Variants in MAGI2 observed in about 807,000 individuals in gnomAD.
MAGI2 encodes the protein membrane-associated guanylate kinase, WW and PDZ domain-containing protein 2.
Under a neutral mutation model 133.3 loss-of-function variants are expected in MAGI2, and 35 were observed. The observed-to-expected ratio is 0.26, with a 90% CI of 0.20 to 0.35. The LOEUF (loss-of-function observed/expected upper bound fraction) is 0.35. Ranked by LOEUF, MAGI2 falls within the 10% of genes least tolerant of loss-of-function variation. The pLI is 1.00. For synonymous variants in MAGI2, 729 were observed against 710.6 expected, an observed-to-expected ratio of 1.03 and a Z score of -0.41; for missense variants, 1,636 against 1,863.4, an observed-to-expected ratio of 0.88 and a Z score of 2.25.
intron 9 of MAGI2, among the ~76,000 whole-genome samples, chr7:78,330,868 T>C (rs993175854): frequency 6.6e-6 from 1 of 152,160 alleles, no homozygotes; most frequent in African/African-American, 2.4e-5. Flanking sequence ...AAGCAGATTG[T>C]TTCCTGATGA....
At position 78,161,681 on chromosome 7, in the gene MAGI2, AAAAAAAG is replaced by A. The variant is rs1224812768; in HGVS notation, c.2597-1415_2597-1409del. Among the ~76,000 whole-genome samples, 18 of 145,978 alleles carry A rather than the reference AAAAAAAG, an allele frequency of 1.2e-4. 1 individual carries two copies. Among genetic ancestry groups the A allele is most frequent in the East Asian group, 4.4e-4 (2 of 4,528 alleles). ...ACATCGATACCTAAAAAAAAAAAAA[AAAAAAAG>A]AAAAAAAAAAAGCTGTATTTGTTTA... On this transcript the variant is annotated intron_variant, in intron 15 of 21. Transcript: ENST00000354212.
At chr7:78,028,685 T>C (rs1021017675) in intron 21 of MAGI2, among the ~76,000 whole-genome samples, 4 of 151,872 alleles carry the variant, frequency 2.6e-5, no homozygotes, top group African/African-American at 7.3e-5. Context: ...CAAAACACCA[T>C]CTCTACTAAA....
At chr7:78,577,598 TG>T (rs1165504246) in intron 3 of MAGI2, among the ~76,000 whole-genome samples, 1 of 132,594 alleles carries the variant, frequency 7.5e-6, no homozygotes, top group East Asian at 2.2e-4. Context: ...GAGATAGGGG[TG>T]GGGCTGTTTT....
At chr7:79,348,797 T>G (rs1331479287) in intron 1 of MAGI2, among the ~76,000 whole-genome samples, 1 of 151,868 alleles carries the variant, frequency 6.6e-6, no homozygotes, top group Non-Finnish European at 1.5e-5. Flanking sequence ...TCTAATCTGT[T>G]GTGAAAATAG....
chr7:78,627,467 G>A (rs1808493526), intron 2 of MAGI2, among the ~76,000 whole-genome samples: 2 of 152,272 alleles, frequency 1.3e-5, no homozygotes, highest in Admixed American at 1.3e-4. Context: ...AGAGTTCATT[G>A]CCATGGGATA....
chr7:78,725,070 T>C (rs1169840878), intron 2 of MAGI2, among the ~76,000 whole-genome samples: 2 of 152,224 alleles, frequency 1.3e-5, no homozygotes, highest in Non-Finnish European at 2.9e-5. Flanking sequence ...AATTATATTT[T>C]TTACATTAAA....
At chr7:78,963,718 CT>C (rs907929102) in intron 2 of MAGI2, among the ~76,000 whole-genome samples, 7 of 151,462 alleles carry the variant, frequency 4.6e-5, no homozygotes, top group Admixed American at 4.0e-4. Context: ...ATATATTCTC[CT>C]TTTTTTTCCT....
intron 2 of MAGI2, among the ~76,000 whole-genome samples, chr7:78,927,553 A>G (rs1163178539): frequency 6.6e-6 from 1 of 151,954 alleles, no homozygotes; most frequent in African/African-American, 2.4e-5. Context: ...AGGGCTCCTA[A>G]TGGTGACAGA....
intron 2 of MAGI2, among the ~76,000 whole-genome samples, chr7:78,800,089 G>A (rs37874): frequency 0.97 from 148,041 of 152,260 alleles, 71,996 homozygotes; most frequent in East Asian, 1. Flanking sequence ...AAATAATTTG[G>A]AAGTTTTACC....
intron 18 of MAGI2, among the ~76,000 whole-genome samples, chr7:78,130,730 T>TGTA: frequency 6.6e-6 from 1 of 152,212 alleles, no homozygotes; most frequent in Middle Eastern, 3.4e-3. Flanking sequence ...TTAGAGGCAA[T>TGTA]GTAGTAGTAG....
chr7:79,436,048 A>T, intron 1 of MAGI2, among the ~76,000 whole-genome samples: 1 of 152,254 alleles, frequency 6.6e-6, no homozygotes, highest in East Asian at 1.9e-4. Flanking sequence ...AATGGTGCTG[A>T]GATATTGGCT....
chr7:78,343,695 A>G, intron 9 of MAGI2, 83 bp downstream of exon 9: 1 of 1,099,262 alleles, frequency 9.1e-7, no homozygotes. Context: ...TCTTTTGAAT[A>G]AAAACACAAA....
chr7:79,383,403 A>G (rs571187483), intron 1 of MAGI2, among the ~76,000 whole-genome samples: 22 of 151,624 alleles, frequency 1.5e-4, no homozygotes, highest in Non-Finnish European at 2.7e-4. Context: ...AGGGTTCAGT[A>G]ATATTAAAAT....
chr7:79,057,959 A>ATTT, intron 1 of MAGI2, among the ~76,000 whole-genome samples: 1 of 114,124 alleles, frequency 8.8e-6, no homozygotes, highest in African/African-American at 4.9e-5. Flanking sequence ...GGGCTCTATT[A>ATTT]GTTTTTTTTT....
At chr7:78,475,873 T>C (rs1466333939) in intron 6 of MAGI2, among the ~76,000 whole-genome samples, 1 of 151,840 alleles carries the variant, frequency 6.6e-6, no homozygotes, top group Non-Finnish European at 1.5e-5. Context: ...TTTAAAATTC[T>C]GCTCAAATTC....
chr7:78,512,182 A>G (rs1795659921), intron 4 of MAGI2, among the ~76,000 whole-genome samples: 1 of 151,874 alleles, frequency 6.6e-6, no homozygotes, highest in South Asian at 2.1e-4. Flanking sequence ...GTGGCCTTTA[A>G]ACAGTGTGGC....
intron 9 of MAGI2, among the ~76,000 whole-genome samples, chr7:78,323,109 A>C (rs1313123791): frequency 6.6e-6 from 1 of 151,808 alleles, no homozygotes; most frequent in Non-Finnish European, 1.5e-5. Flanking sequence ...CATTTGAAGA[A>C]GGTTTTGCAG....
intron 2 of MAGI2, among the ~76,000 whole-genome samples, chr7:78,689,442 A>C (rs1026650241): frequency 3.3e-5 from 5 of 152,184 alleles, no homozygotes; most frequent in African/African-American, 1.2e-4. Flanking sequence ...AATTTAAATA[A>C]AATGCTCCAA....
At chr7:79,026,597 G>A (rs1809909404) in intron 1 of MAGI2, among the ~76,000 whole-genome samples, 1 of 152,170 alleles carries the variant, frequency 6.6e-6, no homozygotes. Context: ...CAAGAAGCCA[G>A]GTGTGGTGGC....
Sources: allele counts gnomAD v4.1 joint callset (sites outside exome capture counted in the v4.1 genomes callset), GRCh38; gene constraint gnomAD v4.1.1; transcripts MANE v1.5; gene names NCBI Gene and HGNC (gene_info 2026-07-23, HGNC 2026-07-21).